DNAH9: variants seen among roughly 807,000 people sequenced by gnomAD.
DNAH9 encodes the protein dynein axonemal heavy chain 9.
A neutral mutation model predicts 471.6 loss-of-function variants in DNAH9; 345 were observed. The observed-to-expected ratio is 0.73, with a 90% CI of 0.67 to 0.80. The LOEUF is 0.80. DNAH9 is among the 30% of genes least tolerant of loss of function. The probability of loss-of-function intolerance (pLI) is 0.00; values close to 1 mark genes in which losing one functional copy is unlikely to be tolerated. For synonymous variants in DNAH9, 2,093 were observed against 2,123.6 expected, an observed-to-expected ratio of 0.99 and a Z score of 0.40; for missense variants, 5,407 against 5,609.2, an observed-to-expected ratio of 0.96 and a Z score of 1.15.
intron 45 of DNAH9, among the ~76,000 whole-genome samples, chr17:11,812,008 A>T (rs1969925878): frequency 1.8e-5 from 1 of 54,054 alleles, no homozygotes; most frequent in Admixed American, 2.1e-4. Flanking sequence ...AAAAAAAAAA[A>T]AAAAAAAAAA....
At chr17:11,698,177 T>TA (rs1365873498) in intron 22 of DNAH9, among the ~76,000 whole-genome samples, 92,236 of 115,016 alleles carry the variant, frequency 0.8, 35,398 homozygotes, top group East Asian at 0.88. Flanking sequence ...TATATTAATA[T>TA]ATTATTATAT....
chr17:11,949,922 CAGAATA>C (rs1975300854), intron 67 of DNAH9, among the ~76,000 whole-genome samples: 2 of 152,222 alleles, frequency 1.3e-5, no homozygotes, highest in East Asian at 3.9e-4. Context: ...AAATTATTGT[CAGAATA>C]CATTATAATC....
intron 48 of DNAH9, among the ~76,000 whole-genome samples, chr17:11,829,205 G>T (rs1046606616): frequency 6.6e-6 from 1 of 152,166 alleles, no homozygotes; most frequent in South Asian, 2.1e-4. Context: ...GGTATAAAAA[G>T]ACTGAAGTAT....
intron 26 of DNAH9, among the ~76,000 whole-genome samples, chr17:11,713,762 C>T (rs1353947395): frequency 6.6e-6 from 1 of 152,150 alleles, no homozygotes; most frequent in Non-Finnish European, 1.5e-5. Flanking sequence ...TACTCATTTA[C>T]TACCCTGTAT....
rs139579264 is a variant in DNAH9, at chr17:11,699,457, C to A, written c.4873-274C>A. Among the ~76,000 whole-genome samples, 26 of 152,302 alleles carry A rather than the reference C, an allele frequency of 1.7e-4. No homozygotes were observed. The East Asian group carries it at 5.0e-3, about 29-fold the overall frequency. On this transcript the variant is annotated intron_variant, in intron 22 of 68. Coordinates refer to ENST00000262442, the MANE Select transcript of DNAH9 (RefSeq NM_001372.4). ...CCAATCTAGTCCTATCTATAGTAGA[C>A]CAATCCAAATTTAGTCAAACCATTG...
chr17:11,820,328 T>C (rs1321886866), intron 45 of DNAH9, among the ~76,000 whole-genome samples: 3 of 152,158 alleles, frequency 2.0e-5, no homozygotes, highest in Non-Finnish European at 2.9e-5. Flanking sequence ...ATCAGGGAGA[T>C]TGAGCATTTA....
intron 12 of DNAH9, 65 bp downstream of exon 12, chr17:11,647,263 C>T: frequency 2.7e-6 from 4 of 1,498,002 alleles, no homozygotes; most frequent in Non-Finnish European, 3.7e-6. Context: ...CTGCTGATTT[C>T]AAAAGCGTAA....
At position 11,625,785 on chromosome 17, in the gene DNAH9, C is replaced by A. The variant is rs551463956; in HGVS notation, c.1351-3632C>A. 2.0e-5 allele frequency among the ~76,000 whole-genome samples: 3 copies of A among 152,290 alleles called. No homozygotes were observed. The South Asian group carries it at 6.2e-4, about 32-fold the overall frequency. On this transcript the variant is annotated intron_variant, in intron 6 of 68. Transcript: ENST00000262442. ...GATCAGTCCAGTAAGCGGCCTGGTA[C>A]CCCAGTGTTCCTTGTTCTGTCTTGA...
intron 41 of DNAH9, among the ~76,000 whole-genome samples, chr17:11,790,119 G>T (rs946602633): frequency 2.7e-5 from 1 of 36,666 alleles, no homozygotes; most frequent in South Asian, 4.9e-4. Context: ...TCGATGTGCA[G>T]GGTTTTTTTT....
At chr17:11,853,882 G>T in intron 49 of DNAH9, 121 bp from the exon 50 acceptor site, 1 of 872,292 alleles carries the variant, frequency 1.1e-6, no homozygotes, top group Non-Finnish European at 1.7e-6. Flanking sequence ...AATTCAGAGG[G>T]CTGCTGCAGG....
chr17:11,901,942 C>A (rs1290734146), intron 59 of DNAH9, among the ~76,000 whole-genome samples: 1 of 152,192 alleles, frequency 6.6e-6, no homozygotes, highest in Non-Finnish European at 1.5e-5. Context: ...AGGGAGGTTG[C>A]AGGTTTTGAA....
intron 20 of DNAH9, among the ~76,000 whole-genome samples, chr17:11,692,071 G>A (rs2074342768): frequency 6.6e-6 from 1 of 152,134 alleles, no homozygotes; most frequent in Admixed American, 6.5e-5. Context: ...CAAAGTGCTG[G>A]ATTACAGGCT....
chr17:11,639,638 G>T (rs994454822), intron 9 of DNAH9, among the ~76,000 whole-genome samples: 1 of 152,156 alleles, frequency 6.6e-6, no homozygotes, highest in African/African-American at 2.4e-5. Flanking sequence ...GAGACCCAGG[G>T]TGATTGAGTT....
chr17:11,969,310 T>C lies in DNAH9; in HGVS notation c.13244T>C (p.Ile4415Thr), dbSNP rs762878900. 5.3e-5 allele frequency: 86 copies of C among 1,613,744 alleles called. No homozygotes were observed. The highest frequency in any genetic ancestry group is 3.3e-4 in the Middle Eastern group (2 of 6,066). The change falls in exon 69 of 69, where the codon ATT becomes ACT. Residue 4415 changes from isoleucine to threonine, a missense_variant. Coordinates refer to ENST00000262442, the MANE Select transcript of DNAH9 (RefSeq NM_001372.4). ...ATGTTTTATCCTCAGGCTGGGATCATTACAGAGGCAAAGCTGAAGGATCTG... is the reference window on the plus strand; with the variant it reads ...ATGTTTTATCCTCAGGCTGGGATCACTACAGAGGCAAAGCTGAAGGATCTG... ...GACWDTQAGIITEAKLKDLTP... is the reference protein window; with the variant it reads ...GACWDTQAGITTEAKLKDLTP...
chr17:11,843,863 G>GTGTGTGTGTGTATCTATATATATATATA (rs1253794533), intron 49 of DNAH9, among the ~76,000 whole-genome samples: 1 of 46,466 alleles, frequency 2.2e-5, no homozygotes, highest in South Asian at 6.9e-4. Flanking sequence ...GTGTGTGTGT[G>GTGTGTGTGTGTATCTATATATATATATA]TATATATATA....
intron 38 of DNAH9, among the ~76,000 whole-genome samples, chr17:11,773,485 C>T (rs988210917): frequency 7.9e-5 from 12 of 152,024 alleles, no homozygotes; most frequent in African/African-American, 2.4e-4. Context: ...ATAGCATGCT[C>T]CAAACTGTAT....
intron 36 of DNAH9, among the ~76,000 whole-genome samples, chr17:11,766,305 T>TA (rs35486873): frequency 0.27 from 38,932 of 143,578 alleles, 5,258 homozygotes; most frequent in East Asian, 0.35. Flanking sequence ...AGTTCCCATT[T>TA]AAAAAAAAAA....
At chr17:11,963,383 G>A (rs929389379) in intron 68 of DNAH9, among the ~76,000 whole-genome samples, 13 of 151,598 alleles carry the variant, frequency 8.6e-5, no homozygotes, top group African/African-American at 2.7e-4. Flanking sequence ...GCAGTGAGCC[G>A]AGATCGCACC....
At chr17:11,681,145 C>T (rs1310295254) in intron 19 of DNAH9, among the ~76,000 whole-genome samples, 1 of 152,142 alleles carries the variant, frequency 6.6e-6, no homozygotes, top group Non-Finnish European at 1.5e-5. Context: ...ATCTTTGTGC[C>T]TCCAAGTTTA....
Sources: gnomAD v4.1 joint callset for allele counts (sites outside exome capture counted in the v4.1 genomes callset) on GRCh38, gnomAD v4.1.1 for gene constraint, MANE v1.5 for transcripts, NCBI Gene and HGNC (gene_info 2026-07-23, HGNC 2026-07-21) for gene names.